EYS: variants seen among roughly 807,000 people sequenced by gnomAD.
The protein encoded by EYS is EGF-like photoreceptor maintenance factor.
Under a neutral mutation model 282.1 loss-of-function variants are expected in EYS, and 250 were observed. The observed-to-expected ratio is 0.89, with a 90% CI of 0.80 to 0.98. The LOEUF is 0.98. Among genes scored for constraint, EYS ranks in the 50% least tolerant of loss-of-function variants. The pLI is 0.00. For synonymous variants in EYS, 1,355 were observed against 1,282.9 expected, an observed-to-expected ratio of 1.06 and a Z score of -1.20; for missense variants, 4,016 against 3,709.0, an observed-to-expected ratio of 1.08 and a Z score of -2.15.
chr6:65,349,326 C>T (rs1456219281), intron 9 of EYS, among the ~76,000 whole-genome samples: 1 of 151,376 alleles, frequency 6.6e-6, no homozygotes, highest in East Asian at 1.9e-4. Context: ...GTACACTTGG[C>T]TTTATTTGTC....
chr6:64,853,457 G>C (rs1765950496), intron 19 of EYS, among the ~76,000 whole-genome samples: 1 of 152,122 alleles, frequency 6.6e-6, no homozygotes, highest in Non-Finnish European at 1.5e-5. Context: ...AGAAGCTTCT[G>C]TTATACTTTT....
intron 31 of EYS, among the ~76,000 whole-genome samples, chr6:64,142,314 C>T (rs141291666): frequency 4.1e-4 from 62 of 151,752 alleles, no homozygotes; most frequent in African/African-American, 1.4e-3. Context: ...TGGGATATGT[C>T]AGGAAAGTCT....
At chr6:64,792,340 A>G (rs1179737328) in intron 22 of EYS, among the ~76,000 whole-genome samples, 1 of 151,946 alleles carries the variant, frequency 6.6e-6, no homozygotes, top group East Asian at 1.9e-4. Context: ...CAATCCAAAT[A>G]ATCAGGAAAT....
intron 31 of EYS, among the ~76,000 whole-genome samples, chr6:64,153,831 G>A (rs2150296206): frequency 6.6e-6 from 1 of 152,260 alleles, no homozygotes; most frequent in South Asian, 2.1e-4. Flanking sequence ...TGTGCACAAA[G>A]ACACCTTTAC....
chr6:65,173,534 T>A (rs1454756322), intron 12 of EYS, among the ~76,000 whole-genome samples: 4 of 151,236 alleles, frequency 2.6e-5, no homozygotes, highest in Admixed American at 2.0e-4. Flanking sequence ...GAAGTACAAC[T>A]TTACATGAAA....
chr6:65,576,733 G>T (rs1410542634), intron 2 of EYS, among the ~76,000 whole-genome samples: 3 of 151,672 alleles, frequency 2.0e-5, no homozygotes, highest in African/African-American at 7.3e-5. Context: ...AAAGCTTCGG[G>T]ATACAAAATC....
chr6:64,566,554 T>C (rs1466753221), intron 26 of EYS, among the ~76,000 whole-genome samples: 3 of 152,172 alleles, frequency 2.0e-5, no homozygotes, highest in Non-Finnish European at 4.4e-5. Flanking sequence ...GCAGGGGATA[T>C]GTCCTAGGCA....
intron 12 of EYS, among the ~76,000 whole-genome samples, chr6:65,221,679 C>T (rs1766469803): frequency 6.6e-6 from 1 of 152,138 alleles, no homozygotes. Flanking sequence ...TGGGGCACTG[C>T]CTAGTGGAGA....
intron 33 of EYS, among the ~76,000 whole-genome samples, chr6:64,005,695 A>T (rs1768310446): frequency 6.6e-6 from 1 of 152,210 alleles, no homozygotes; most frequent in Non-Finnish European, 1.5e-5. Context: ...ATGGCTAGCC[A>T]GGTATCCCTG....
intron 35 of EYS, among the ~76,000 whole-genome samples, chr6:63,901,327 A>G (rs1033833593): frequency 3.3e-5 from 5 of 152,232 alleles, no homozygotes; most frequent in African/African-American, 4.8e-5. Context: ...GATTATCTAA[A>G]CTGAAGAATA....
chr6:63,731,517 A>G (rs191981677), intron 41 of EYS, among the ~76,000 whole-genome samples: 2 of 152,252 alleles, frequency 1.3e-5, no homozygotes, highest in African/African-American at 4.8e-5. Flanking sequence ...GTATTTACCA[A>G]TATTCTTGGT....
At position 64,557,240 on chromosome 6, in the gene EYS, ACACACACACAC is replaced by A. The variant is rs1214364042; in HGVS notation, c.5644+32972_5644+32982del. 1.6e-4 allele frequency among the ~76,000 whole-genome samples: 24 copies of A among 151,190 alleles called. No individual in the cohort carries two copies. The South Asian group carries it at 5.0e-3, about 31-fold the overall frequency. ...CATACACACACACACACACACACAC[ACACACACACAC>A]ATTTTATTAAATAAATGAATATCAA... On this transcript the variant is annotated intron_variant, in intron 26 of 42. Coordinates refer to ENST00000503581, the MANE Select transcript of EYS (RefSeq NM_001142800.2).
At chr6:65,407,872 C>A (rs1012703302) in intron 5 of EYS, among the ~76,000 whole-genome samples, 2 of 151,560 alleles carry the variant, frequency 1.3e-5, no homozygotes, top group African/African-American at 4.9e-5. Context: ...GTTCCCAATT[C>A]TTCCAAGAAA....
chr6:64,433,879 C>T (rs1289576034), intron 28 of EYS, among the ~76,000 whole-genome samples: 1 of 151,954 alleles, frequency 6.6e-6, no homozygotes, highest in Non-Finnish European at 1.5e-5. Flanking sequence ...TCTAATCTTG[C>T]TCCCTTACTG....
chr6:65,232,180 T>C lies in EYS; in HGVS notation c.2023+63683A>G, dbSNP rs544856529. Among the ~76,000 whole-genome samples, 184 of 152,144 alleles carry C rather than the reference T, an allele frequency of 1.2e-3. 2 individuals are homozygous for C. Among genetic ancestry groups the C allele is most frequent in the Middle Eastern group, 0.01 (3 of 294 alleles). The stretch of plus-strand genomic sequence containing the variant: ...TCAGTCCAAGTTGCATATGTCTATG[T>C]TTATGTCTCTGTATTTGTGCACCAT... On this transcript the variant is annotated intron_variant, in intron 12 of 42. Transcript: ENST00000503581.
At chr6:65,216,978 A>G (rs939230559) in intron 12 of EYS, among the ~76,000 whole-genome samples, 5 of 152,098 alleles carry the variant, frequency 3.3e-5, no homozygotes, top group African/African-American at 1.2e-4. Context: ...TTGCTAGGTC[A>G]TACTAATCAA....
chr6:64,274,481 GTTTTTTTTTTT>G (rs10640761), intron 30 of EYS, among the ~76,000 whole-genome samples: 1 of 92,230 alleles, frequency 1.1e-5, no homozygotes, highest in African/African-American at 4.7e-5. Flanking sequence ...ACGCCTGGCC[GTTTTTTTTTTT>G]TTTTTTTTTT....
At chr6:63,914,563 T>G (rs563263744) in intron 35 of EYS, among the ~76,000 whole-genome samples, 7 of 151,824 alleles carry the variant, frequency 4.6e-5, no homozygotes, top group African/African-American at 1.4e-4. Context: ...CAAAAATTAG[T>G]TGGGCATGGT....
At chr6:64,756,923 G>T (rs1772956915) in intron 22 of EYS, among the ~76,000 whole-genome samples, 1 of 149,302 alleles carries the variant, frequency 6.7e-6, no homozygotes, top group South Asian at 2.1e-4. Flanking sequence ...ACTCCCTGAT[G>T]AAGTTTTCTA....
Sources: gnomAD v4.1 joint callset for allele counts (sites outside exome capture counted in the v4.1 genomes callset) on GRCh38, gnomAD v4.1.1 for gene constraint, MANE v1.5 for transcripts, NCBI Gene and HGNC (gene_info 2026-07-23, HGNC 2026-07-21) for gene names.